DCC: variants seen among roughly 807,000 people sequenced by gnomAD.
DCC encodes netrin receptor DCC.
A neutral mutation model predicts 172.5 loss-of-function variants in DCC; 58 were observed. The observed-to-expected ratio is 0.34, with a 90% confidence interval of 0.27 to 0.42. The LOEUF (loss-of-function observed/expected upper bound fraction) is 0.42, where lower values mean the gene tolerates loss of function less well. Among genes scored for constraint, DCC ranks in the 10% least tolerant of loss-of-function variants. The pLI is 1.00. For missense variants in DCC, 1,740 were observed against 1,791.0 expected, an observed-to-expected ratio of 0.97 and a Z score of 0.51; for synonymous variants, 709 against 644.5, an observed-to-expected ratio of 1.10 and a Z score of -1.52.
intron 2 of DCC, among the ~76,000 whole-genome samples, chr18:52,804,058 G>A (rs1343154008): frequency 6.6e-6 from 1 of 152,104 alleles, no homozygotes; most frequent in Non-Finnish European, 1.5e-5. Context: ...GGCATGTAGG[G>A]TAGATTGATA....
At chr18:52,501,703 C>A (rs1401531791) in intron 1 of DCC, among the ~76,000 whole-genome samples, 1 of 152,070 alleles carries the variant, frequency 6.6e-6, no homozygotes, top group Non-Finnish European at 1.5e-5. Flanking sequence ...CCTCTGAGGT[C>A]CCTTTCTCTT....
chr18:52,820,879 A>G (rs2038392764), intron 2 of DCC, among the ~76,000 whole-genome samples: 1 of 152,088 alleles, frequency 6.6e-6, no homozygotes, highest in Non-Finnish European at 1.5e-5. Flanking sequence ...CCCTTCCAAA[A>G]TCTTTTTGTT....
intron 1 of DCC, among the ~76,000 whole-genome samples, chr18:52,396,712 T>C (rs1206836447): frequency 6.6e-6 from 1 of 152,076 alleles, no homozygotes; most frequent in Admixed American, 6.6e-5. Context: ...TATACTGTAA[T>C]GAATGACAAA....
intron 1 of DCC, among the ~76,000 whole-genome samples, chr18:52,519,012 G>A (rs1455866453): frequency 6.6e-6 from 1 of 152,164 alleles, no homozygotes; most frequent in African/African-American, 2.4e-5. Context: ...TCAGTAGGTG[G>A]ATGAAAACCC....
At chr18:52,950,989 T>C (rs1454056879) in intron 5 of DCC, among the ~76,000 whole-genome samples, 1 of 144,880 alleles carries the variant, frequency 6.9e-6, no homozygotes, top group African/African-American at 2.6e-5. Flanking sequence ...TATATCTCTT[T>C]AGCTATGACC....
intron 1 of DCC, among the ~76,000 whole-genome samples, chr18:52,589,134 T>C (rs1293688414): frequency 6.6e-6 from 1 of 152,194 alleles, no homozygotes; most frequent in East Asian, 1.9e-4. Context: ...ATGAATCATA[T>C]GTGGTCTGAG....
intron 15 of DCC, among the ~76,000 whole-genome samples, chr18:53,382,747 C>T (rs958564227): frequency 6.6e-6 from 1 of 152,020 alleles, no homozygotes; most frequent in African/African-American, 2.4e-5. Context: ...GAAATATTCC[C>T]TTTTGGAGGG....
At chr18:52,977,039 T>G (rs2041129855) in intron 5 of DCC, among the ~76,000 whole-genome samples, 1 of 152,190 alleles carries the variant, frequency 6.6e-6, no homozygotes. Flanking sequence ...GAGAACAAAG[T>G]TTCTCCCTCA....
At chr18:53,351,330 A>ATAC (rs2057795673) in intron 15 of DCC, among the ~76,000 whole-genome samples, 1 of 49,164 alleles carries the variant, frequency 2.0e-5, no homozygotes, top group Non-Finnish European at 4.1e-5. Context: ...GTATATATAT[A>ATAC]TACAGTGTAT....
chr18:53,258,052 G>A (rs890668566), intron 12 of DCC, among the ~76,000 whole-genome samples: 2 of 152,050 alleles, frequency 1.3e-5, no homozygotes, highest in African/African-American at 2.4e-5. Flanking sequence ...GGGATCGGTG[G>A]TGATATCCCT....
chr18:52,978,711 G>A (rs977509624), intron 5 of DCC, among the ~76,000 whole-genome samples: 135 of 152,124 alleles, frequency 8.9e-4, no homozygotes, highest in East Asian at 1.9e-4. Context: ...GACAAAGAAC[G>A]AGGACTATAT....
chr18:52,950,688 G>T (rs1426749065), intron 5 of DCC, among the ~76,000 whole-genome samples: 1 of 152,018 alleles, frequency 6.6e-6, no homozygotes, highest in East Asian at 1.9e-4. Context: ...ACTTTGGGAG[G>T]CCGAGGGGGG....
At chr18:53,085,963 T>G (rs1460212197) in intron 7 of DCC, among the ~76,000 whole-genome samples, 1 of 65,142 alleles carries the variant, frequency 1.5e-5, no homozygotes, top group Non-Finnish European at 2.9e-5. Flanking sequence ...TTTTCTCTTC[T>G]TCTTCTTCTT....
intron 1 of DCC, among the ~76,000 whole-genome samples, chr18:52,351,656 A>G (rs1030673810): frequency 6.6e-6 from 1 of 152,224 alleles, no homozygotes; most frequent in African/African-American, 2.4e-5. Context: ...CTATAAAAAT[A>G]GAATTGCCAT....
intron 9 of DCC, 33 bp from the exon 10 acceptor site, chr18:53,205,182 CT>C: frequency 6.3e-7 from 1 of 1,586,140 alleles, no homozygotes; most frequent in Non-Finnish European, 8.7e-7. Context: ...ATCCTAATCA[CT>C]TTTCTTTCTT....
intron 8 of DCC, among the ~76,000 whole-genome samples, chr18:53,161,024 G>C (rs2054830390): frequency 6.6e-6 from 1 of 152,088 alleles, no homozygotes; most frequent in African/African-American, 2.4e-5. Flanking sequence ...CTCCCACTAA[G>C]GTGAATTACA....
intron 25 of DCC, among the ~76,000 whole-genome samples, chr18:53,481,614 C>T (rs958623238): frequency 5.3e-5 from 8 of 152,134 alleles, no homozygotes; most frequent in Non-Finnish European, 7.4e-5. Context: ...TTCAGTTAAG[C>T]TCTTTCATTT....
intron 21 of DCC, among the ~76,000 whole-genome samples, chr18:53,429,318 T>G (rs1911454081): frequency 1.3e-5 from 1 of 78,426 alleles, no homozygotes; most frequent in African/African-American, 3.4e-5. Context: ...ATTATCAGGC[T>G]AAGATGTAAA....
chr18:52,538,277 C>A (rs952552106), intron 1 of DCC, among the ~76,000 whole-genome samples: 1 of 152,120 alleles, frequency 6.6e-6, no homozygotes, highest in Non-Finnish European at 1.5e-5. Flanking sequence ...AAGTCAACCT[C>A]AACTTTCCAA....
Sources: gnomAD v4.1 joint callset for allele counts (sites outside exome capture counted in the v4.1 genomes callset) on GRCh38, gnomAD v4.1.1 for gene constraint, MANE v1.5 for transcripts, NCBI Gene and HGNC (gene_info 2026-07-23, HGNC 2026-07-21) for gene names.